PAPPA2: variants seen among roughly 807,000 people sequenced by gnomAD.
PAPPA2 encodes the protein pappalysin 2.
PAPPA2 carries 86 observed loss-of-function variants against 176.4 expected under a neutral mutation model. That is an observed-to-expected ratio of 0.49 (90% CI 0.41 to 0.58). The LOEUF (loss-of-function observed/expected upper bound fraction) is 0.58. PAPPA2 is among the 20% of genes least tolerant of loss of function. PAPPA2 has a pLI of 0.00. For synonymous variants in PAPPA2, 809 were observed against 852.2 expected, an observed-to-expected ratio of 0.95 and a Z score of 0.88; for missense variants, 2,073 against 2,256.9, an observed-to-expected ratio of 0.92 and a Z score of 1.65.
chr1:176,573,780 A>G (rs1352428365), intron 2 of PAPPA2, among the ~76,000 whole-genome samples: 1 of 152,166 alleles, frequency 6.6e-6, no homozygotes, highest in Non-Finnish European at 1.5e-5. Context: ...AAGTCTGGTT[A>G]TGACTCTTGA....
At chr1:176,785,995 C>T (rs965530956) in intron 17 of PAPPA2, among the ~76,000 whole-genome samples, 1 of 152,170 alleles carries the variant, frequency 6.6e-6, no homozygotes, top group Admixed American at 6.5e-5. Flanking sequence ...TGCTTCTCCC[C>T]TGCTGTCAGT....
intron 3 of PAPPA2, among the ~76,000 whole-genome samples, chr1:176,654,880 T>C (rs539595745): frequency 9.6e-4 from 146 of 151,934 alleles, no homozygotes; most frequent in African/African-American, 3.4e-3. Flanking sequence ...TTGATCATTA[T>C]TGATGTATAG....
At chr1:176,634,524 G>A (rs1029403159) in intron 3 of PAPPA2, among the ~76,000 whole-genome samples, 4 of 151,858 alleles carry the variant, frequency 2.6e-5, no homozygotes, top group Non-Finnish European at 5.9e-5. Context: ...CACCAACATG[G>A]CACATGTATA....
intron 17 of PAPPA2, among the ~76,000 whole-genome samples, chr1:176,785,780 G>A (rs1196549221): frequency 6.6e-6 from 1 of 152,158 alleles, no homozygotes; most frequent in Non-Finnish European, 1.5e-5. Context: ...CACCCCTGAG[G>A]TTATTAAACT....
chr1:176,652,716 G>A (rs966223892), intron 3 of PAPPA2, among the ~76,000 whole-genome samples: 21 of 151,734 alleles, frequency 1.4e-4, no homozygotes, highest in African/African-American at 5.1e-4. Context: ...CATGGGTTGA[G>A]ACATGGACAG....
intron 4 of PAPPA2, among the ~76,000 whole-genome samples, chr1:176,672,239 T>C (rs1323347671): frequency 1.3e-5 from 2 of 152,060 alleles, no homozygotes; most frequent in Non-Finnish European, 2.9e-5. Context: ...CAAAATGTTC[T>C]AGATAGCATT....
At chr1:176,626,260 T>A (rs1212231950) in intron 3 of PAPPA2, among the ~76,000 whole-genome samples, 1 of 152,192 alleles carries the variant, frequency 6.6e-6, no homozygotes, top group East Asian at 1.9e-4. Flanking sequence ...TACAGTTTTA[T>A]CATTTATGCA....
chr1:176,819,944 C>A (rs1666589106), intron 21 of PAPPA2, among the ~76,000 whole-genome samples: 1 of 152,166 alleles, frequency 6.6e-6, no homozygotes, highest in African/African-American at 2.4e-5. Context: ...CAGCCCAGAT[C>A]TGGGGCTTCC....
intron 21 of PAPPA2, among the ~76,000 whole-genome samples, chr1:176,807,038 C>A (rs1290884465): frequency 1.3e-5 from 2 of 152,120 alleles, no homozygotes; most frequent in African/African-American, 4.8e-5. Flanking sequence ...GACTAGCCCA[C>A]CCGCAAGAGA....
chr1:176,756,951 T>G (rs564246677), intron 14 of PAPPA2, among the ~76,000 whole-genome samples: 1 of 152,234 alleles, frequency 6.6e-6, no homozygotes, highest in Non-Finnish European at 1.5e-5. Flanking sequence ...AGTGAGAACA[T>G]GCAGTGTTTG....
At chr1:176,645,060 A>G (rs1305481831) in intron 3 of PAPPA2, among the ~76,000 whole-genome samples, 2 of 151,878 alleles carry the variant, frequency 1.3e-5, no homozygotes, top group Non-Finnish European at 2.9e-5. Flanking sequence ...TGGGATATCC[A>G]TCACCTTACA....
At chr1:176,820,460 A>G (rs1342799175) in intron 21 of PAPPA2, among the ~76,000 whole-genome samples, 5 of 152,134 alleles carry the variant, frequency 3.3e-5, no homozygotes, top group Non-Finnish European at 7.3e-5. Context: ...AGCATTTCAG[A>G]ATAGGGAGAC....
intron 12 of PAPPA2, among the ~76,000 whole-genome samples, chr1:176,720,829 G>A (rs1285611481): frequency 2.0e-5 from 3 of 152,130 alleles, no homozygotes; most frequent in Non-Finnish European, 2.9e-5. Context: ...TCTGTCTGAG[G>A]CCAAAGGCTC....
intron 3 of PAPPA2, among the ~76,000 whole-genome samples, chr1:176,602,512 G>A (rs1654385324): frequency 6.6e-6 from 1 of 152,198 alleles, no homozygotes. Context: ...CTCGGAGGCT[G>A]TTGAGCCAAA....
intron 3 of PAPPA2, among the ~76,000 whole-genome samples, chr1:176,632,424 G>A (rs1656394688): frequency 6.6e-6 from 1 of 152,090 alleles, no homozygotes; most frequent in South Asian, 2.1e-4. Context: ...GAAGACTCCG[G>A]AGGCTGAGGC....
At chr1:176,476,964 C>T (rs142925917) in intron 1 of PAPPA2, among the ~76,000 whole-genome samples, 4 of 152,212 alleles carry the variant, frequency 2.6e-5, no homozygotes, top group African/African-American at 7.2e-5. Flanking sequence ...ACCGGGACCT[C>T]GAAAATCCTC....
intron 3 of PAPPA2, among the ~76,000 whole-genome samples, chr1:176,641,385 TC>T (rs1434386311): frequency 6.6e-6 from 1 of 151,752 alleles, no homozygotes; most frequent in Non-Finnish European, 1.5e-5. Context: ...AAGGAAGGGA[TC>T]CAGTTTCAGC....
chr1:176,735,528 A>G (rs1662358217), intron 12 of PAPPA2, among the ~76,000 whole-genome samples: 1 of 151,894 alleles, frequency 6.6e-6, no homozygotes, highest in Non-Finnish European at 1.5e-5. Context: ...TTGAAGGGGG[A>G]TTTCTTAAGC....
At chr1:176,593,539 A>G (rs1653780614) in intron 2 of PAPPA2, among the ~76,000 whole-genome samples, 1 of 152,226 alleles carries the variant, frequency 6.6e-6, no homozygotes, top group Non-Finnish European at 1.5e-5. Flanking sequence ...GATGGTGGGT[A>G]AACTGAAGAT....
Sources: gnomAD v4.1 joint callset for allele counts (sites outside exome capture counted in the v4.1 genomes callset) on GRCh38, gnomAD v4.1.1 for gene constraint, MANE v1.5 for transcripts, NCBI Gene and HGNC (gene_info 2026-07-23, HGNC 2026-07-21) for gene names.